The following CNTN5 variants were observed in gnomAD, a reference collection of about 807,000 sequenced individuals.
The protein encoded by CNTN5 is contactin 5, also known as contactin-5.
Under a neutral mutation model 129.1 loss-of-function variants are expected in CNTN5, and 77 were observed. That is an observed-to-expected ratio of 0.60 (90% CI 0.50 to 0.72). CNTN5 has a LOEUF of 0.72. Among genes scored for constraint, CNTN5 ranks in the 30% least tolerant of loss-of-function variants. The pLI is 0.00. For missense variants in CNTN5, 1,478 were observed against 1,328.8 expected (o/e 1.11, Z -1.75); for synonymous variants, 509 against 465.6 (o/e 1.09, Z -1.20).
intron 3 of CNTN5, among the ~76,000 whole-genome samples, chr11:99,791,727 C>T (rs1945750263): frequency 6.6e-6 from 1 of 152,104 alleles, no homozygotes; most frequent in Admixed American, 6.6e-5. Flanking sequence ...TTTTAACAAT[C>T]TTGATTATTC....
At chr11:99,191,720 A>C (rs1189517415) in intron 1 of CNTN5, among the ~76,000 whole-genome samples, 1 of 151,858 alleles carries the variant, frequency 6.6e-6, no homozygotes, top group Non-Finnish European at 1.5e-5. Context: ...AAAACCAATG[A>C]GTCGATAAAG....
chr11:99,773,603 T>A (rs764087399), intron 3 of CNTN5, among the ~76,000 whole-genome samples: 4 of 152,102 alleles, frequency 2.6e-5, no homozygotes, highest in Non-Finnish European at 5.9e-5. Flanking sequence ...AAAAAAATGG[T>A]CATTTTAATG....
intron 2 of CNTN5, among the ~76,000 whole-genome samples, chr11:99,418,279 C>T (rs945218732): frequency 2.0e-5 from 3 of 151,588 alleles, no homozygotes; most frequent in African/African-American, 7.3e-5. Context: ...AAAACAACAA[C>T]TTTAAAAAAA....
chr11:99,863,308 G>C (rs568515450), intron 6 of CNTN5, among the ~76,000 whole-genome samples: 29 of 152,188 alleles, frequency 1.9e-4, no homozygotes, highest in Non-Finnish European at 3.1e-4. Context: ...TAGACAAACT[G>C]GTTAGTATAG....
chr11:99,591,672 G>A (rs554321501), intron 3 of CNTN5, among the ~76,000 whole-genome samples: 11 of 152,118 alleles, frequency 7.2e-5, no homozygotes, highest in East Asian at 3.9e-4. Context: ...CAGCTGGTGC[G>A]GGAAGAGAGA....
At position 99,432,291 on chromosome 11, in the gene CNTN5, A is replaced by G. The variant is rs181577562; in HGVS notation, c.-71+106807A>G. On this transcript the variant is annotated intron_variant, in intron 2 of 24. Transcript: ENST00000524871. ...GGCAGGGGCAAATTTGGAGGAGACA[A>G]TTAAGAGATATAAATTGAGGTTATA... Among the ~76,000 whole-genome samples the G allele has an allele frequency of 1.5e-4, 23 of 152,250 alleles. No homozygotes were observed. The East Asian group carries it at 2.5e-3, about 17-fold the overall frequency.
intron 1 of CNTN5, among the ~76,000 whole-genome samples, chr11:99,217,755 T>C (rs1860202300): frequency 6.6e-6 from 1 of 152,122 alleles, no homozygotes; most frequent in South Asian, 2.1e-4. Context: ...CCCACTCATC[T>C]AGTAGGTTTT....
intron 2 of CNTN5, among the ~76,000 whole-genome samples, chr11:99,392,167 A>G (rs1941294847): frequency 6.6e-6 from 1 of 151,740 alleles, no homozygotes; most frequent in South Asian, 2.1e-4. Context: ...ATAATATGTA[A>G]TGCTTTTAGA....
Position 99,710,906 on chromosome 11 carries a change from A to G in CNTN5, c.56-108638A>G, listed in dbSNP as rs1299952907. On this transcript the variant is annotated intron_variant, in intron 3 of 24. Transcript: ENST00000524871. ...TTTAGAACATAACTAAAAGATAAGC[A>G]GGAATTTGGAGTTGCTACGCAAAAT... 2.0e-5 allele frequency among the ~76,000 whole-genome samples: 3 copies of G among 152,060 alleles called. No homozygotes were observed. The East Asian group carries it at 5.8e-4, about 30-fold the overall frequency.
intron 6 of CNTN5, among the ~76,000 whole-genome samples, chr11:99,858,301 A>G (rs1361376714): frequency 6.6e-6 from 1 of 152,156 alleles, no homozygotes; most frequent in Non-Finnish European, 1.5e-5. Context: ...GTTTTCATAA[A>G]CATAGTAAAT....
At chr11:100,295,987 C>A (rs499086) in intron 18 of CNTN5, among the ~76,000 whole-genome samples, 85,125 of 151,260 alleles carry the variant, frequency 0.56, 24,223 homozygotes, top group African/African-American at 0.59. Flanking sequence ...CATGATATCA[C>A]TAAATTATTA....
At chr11:99,891,678 G>A (rs376057680) in intron 6 of CNTN5, among the ~76,000 whole-genome samples, 1 of 152,086 alleles carries the variant, frequency 6.6e-6, no homozygotes, top group South Asian at 2.1e-4. Flanking sequence ...TTTTATGGCT[G>A]CGTGGTATTC....
chr11:99,663,329 G>A (rs760420005), intron 3 of CNTN5, among the ~76,000 whole-genome samples: 3 of 152,048 alleles, frequency 2.0e-5, no homozygotes, highest in Admixed American at 6.6e-5. Flanking sequence ...ATAGCTGAGC[G>A]TGTTCATGGG....
chr11:100,017,924 C>T (rs895127260), intron 9 of CNTN5, among the ~76,000 whole-genome samples: 1 of 151,878 alleles, frequency 6.6e-6, no homozygotes, highest in Non-Finnish European at 1.5e-5. Context: ...ATAGAATAGA[C>T]AAAGACTGAA....
At chr11:99,583,611 G>C (rs1949691034) in intron 3 of CNTN5, among the ~76,000 whole-genome samples, 1 of 152,220 alleles carries the variant, frequency 6.6e-6, no homozygotes, top group African/African-American at 2.4e-5. Flanking sequence ...CGTGGGTGTA[G>C]GACTCTCTGA....
At chr11:99,081,411 C>A (rs551294820) in intron 1 of CNTN5, among the ~76,000 whole-genome samples, 1 of 152,268 alleles carries the variant, frequency 6.6e-6, no homozygotes, top group East Asian at 1.9e-4. Context: ...AACACACAAG[C>A]TTTAATGATC....
At chr11:99,121,844 C>A (rs1858349933) in intron 1 of CNTN5, among the ~76,000 whole-genome samples, 1 of 151,916 alleles carries the variant, frequency 6.6e-6, no homozygotes, top group Non-Finnish European at 1.5e-5. Flanking sequence ...ATAATGCAGG[C>A]AAGCATAATT....
In CNTN5 at chr11:100,297,603, C is replaced by T. The variant is rs370711716; in HGVS notation, c.2315-22C>T. On this transcript the variant is annotated intron_variant, in intron 18 of 24. Coordinates refer to ENST00000524871, the MANE Select transcript of CNTN5 (RefSeq NM_014361.4). Reference sequence around the variant, plus strand: ...GGTTGGGAGTTTTTTTCTCCTCACTCTCCACCCATTTTTATCCACAGTTCC... The same window carrying T: ...GGTTGGGAGTTTTTTTCTCCTCACTTTCCACCCATTTTTATCCACAGTTCC... 3.1e-6 allele frequency: 5 copies of T among 1,590,834 alleles called. No individual in the cohort carries two copies. The East Asian group carries it at 9.0e-5, about 29-fold the overall frequency.
At chr11:99,487,924 G>A (rs971995349) in intron 2 of CNTN5, among the ~76,000 whole-genome samples, 1 of 152,046 alleles carries the variant, frequency 6.6e-6, no homozygotes, top group African/African-American at 2.4e-5. Context: ...ATGAAAGAGT[G>A]GGAGAAGATT....
Sources: gnomAD v4.1 joint callset for allele counts (sites outside exome capture counted in the v4.1 genomes callset) on GRCh38, gnomAD v4.1.1 for gene constraint, MANE v1.5 for transcripts, NCBI Gene and HGNC (gene_info 2026-07-23, HGNC 2026-07-21) for gene names.